The following RYR2 variants were observed in gnomAD, a reference collection of about 807,000 sequenced individuals.
RYR2 encodes cardiac muscle ryanodine receptor-calcium release channel.
A neutral mutation model predicts 601.1 loss-of-function variants in RYR2; 227 were observed. The ratio of observed to expected loss-of-function variants is 0.38; its 90% CI spans 0.34 to 0.42. The LOEUF (loss-of-function observed/expected upper bound fraction) is 0.42. RYR2 is among the 10% of genes least tolerant of loss of function. RYR2 has a pLI of 1.00. For missense variants in RYR2, 4,646 were observed against 6,156.5 expected, an observed-to-expected ratio of 0.75 and a Z score of 8.21; for synonymous variants, 2,223 against 2,175.1, an observed-to-expected ratio of 1.02 and a Z score of -0.61.
chr1:237,639,177 C>G lies in RYR2; in HGVS notation c.7091C>G (p.Pro2364Arg), dbSNP rs771170452. Reference sequence around the variant, plus strand: ...GATCCTTCCCGAGATGGTCCCTCACCAAATAGCGGATCCAGTAAAACACTG... The same window carrying G: ...GATCCTTCCCGAGATGGTCCCTCACGAAATAGCGGATCCAGTAAAACACTG... ...AEDPSRDGPS[P>R]NSGSSKTLDT... is the part of the protein sequence containing the mutation. The change falls in exon 46 of 105, where the codon CCA becomes CGA. Residue 2364 changes from proline (P) to arginine (R), a missense_variant. By Grantham distance (103) the Pro-to-Arg change is moderately radical. Around this residue, in one of 17 missense-constraint regions of RYR2, gnomAD observed 1,497 missense variants for 1,842.6 expected, o/e 0.81. Coordinates refer to ENST00000366574, the MANE Select transcript of RYR2 (RefSeq NM_001035.3). 6.2e-7 allele frequency: 1 copy of G among 1,613,426 alleles called. No homozygotes were observed. Among genetic ancestry groups the G allele is most frequent in the African/African-American group, 1.3e-5 (1 of 75,020 alleles).
chr1:237,436,309 C>T (rs12754712), intron 12 of RYR2, among the ~76,000 whole-genome samples: 1 of 151,700 alleles, frequency 6.6e-6, no homozygotes, highest in East Asian at 1.9e-4. Flanking sequence ...TATTTAGGCA[C>T]TGTGACCTTA....
At chr1:237,419,810 A>C (rs1022065804) in intron 11 of RYR2, among the ~76,000 whole-genome samples, 2 of 152,174 alleles carry the variant, frequency 1.3e-5, no homozygotes, top group African/African-American at 2.4e-5. Flanking sequence ...TAGATATGTA[A>C]ATTAAGCTAC....
chr1:237,061,708 T>G (rs10458439), intron 1 of RYR2, among the ~76,000 whole-genome samples: 1 of 152,220 alleles, frequency 6.6e-6, no homozygotes, highest in Non-Finnish European at 1.5e-5. Flanking sequence ...ACTCTTGCTT[T>G]TCCCCCCTCT....
In RYR2 at chr1:237,164,037, G is replaced by A. The variant is rs924816553; in HGVS notation, c.49-106460G>A. ...GCAGTGGCTTACACCTGTAATCCCA[G>A]CACTTTGGGAGGCTGAGGCAGGTGG... On this transcript the variant is annotated intron_variant, in intron 1 of 104. Coordinates refer to ENST00000366574, the MANE Select transcript of RYR2 (RefSeq NM_001035.3). Among the ~76,000 whole-genome samples the A allele has an allele frequency of 6.9e-4, 105 of 152,224 alleles. 1 individual carries two copies. The highest frequency in any genetic ancestry group is 1.2e-4 in the Non-Finnish European group (8 of 68,048).
intron 1 of RYR2, among the ~76,000 whole-genome samples, chr1:237,181,158 A>G (rs1678712297): frequency 6.6e-6 from 1 of 151,804 alleles, no homozygotes; most frequent in African/African-American, 2.4e-5. Context: ...TAATTTTTGT[A>G]TTTTTAGTAC....
intron 60 of RYR2, among the ~76,000 whole-genome samples, chr1:237,675,315 A>T (rs1028752393): frequency 2.0e-5 from 3 of 152,194 alleles, no homozygotes; most frequent in Admixed American, 1.3e-4. Flanking sequence ...CTCTTAGGGT[A>T]CAATGAAAGA....
chr1:237,425,260 C>A (rs1706032421), intron 12 of RYR2, among the ~76,000 whole-genome samples: 1 of 152,028 alleles, frequency 6.6e-6, no homozygotes, highest in African/African-American at 2.4e-5. Context: ...AATCATTTTT[C>A]TTTTGCTGTG....
intron 71 of RYR2, among the ~76,000 whole-genome samples, chr1:237,713,061 TG>T (rs1404464982): frequency 6.6e-6 from 1 of 152,154 alleles, no homozygotes; most frequent in African/African-American, 2.4e-5. Context: ...TGGTATTGCT[TG>T]GTAGGCCTAG....
At chr1:237,340,331 A>G (rs531024053) in intron 3 of RYR2, among the ~76,000 whole-genome samples, 6 of 152,196 alleles carry the variant, frequency 3.9e-5, no homozygotes, top group Non-Finnish European at 7.4e-5. Flanking sequence ...TTCTGGAGCT[A>G]GGGGGACAGG....
intron 73 of RYR2, among the ~76,000 whole-genome samples, chr1:237,720,272 A>G (rs967672519): frequency 6.6e-6 from 1 of 152,222 alleles, no homozygotes; most frequent in Non-Finnish European, 1.5e-5. Context: ...TAGCAACAAC[A>G]ATATAATATA....
At chr1:237,599,466 A>T (rs1309672416) in intron 34 of RYR2, among the ~76,000 whole-genome samples, 1 of 150,756 alleles carries the variant, frequency 6.6e-6, no homozygotes, top group East Asian at 2.0e-4. Context: ...ATTTCTTTGC[A>T]CTAGTAGTGA....
intron 100 of RYR2, among the ~76,000 whole-genome samples, chr1:237,818,482 C>G (rs998660375): frequency 1.3e-5 from 2 of 152,028 alleles, no homozygotes; most frequent in Non-Finnish European, 2.9e-5. Flanking sequence ...AGGGTTTAAA[C>G]AATAAGATGC....
At chr1:237,152,582 A>C (rs950655633) in intron 1 of RYR2, among the ~76,000 whole-genome samples, 1 of 152,052 alleles carries the variant, frequency 6.6e-6, no homozygotes, top group Non-Finnish European at 1.5e-5. Context: ...TGTGGTTTTG[A>C]TTTGCATTTC....
At chr1:237,593,264 T>A (rs1675435339) in intron 32 of RYR2, among the ~76,000 whole-genome samples, 1 of 152,186 alleles carries the variant, frequency 6.6e-6, no homozygotes, top group Non-Finnish European at 1.5e-5. Context: ...TCCTGTTATT[T>A]CTTATTTAAT....
intron 10 of RYR2, among the ~76,000 whole-genome samples, chr1:237,397,343 G>A (rs1055207059): frequency 1.3e-5 from 2 of 152,092 alleles, no homozygotes; most frequent in Admixed American, 1.3e-4. Context: ...ATGAGTGACT[G>A]AAGCCCAGGG....
At chr1:237,384,130 G>T (rs1183278572) in intron 8 of RYR2, among the ~76,000 whole-genome samples, 1 of 152,158 alleles carries the variant, frequency 6.6e-6, no homozygotes, top group African/African-American at 2.4e-5. Context: ...CAGAAGAGTA[G>T]ACCTTATTTA....
At chr1:237,743,421 GTA>G (rs1429662392) in intron 80 of RYR2, among the ~76,000 whole-genome samples, 2 of 152,152 alleles carry the variant, frequency 1.3e-5, no homozygotes, top group Middle Eastern at 3.2e-3. Flanking sequence ...CTTTTCTAAT[GTA>G]TATGTTTTCT....
At chr1:237,549,738 T>C (rs1670195082) in intron 26 of RYR2, among the ~76,000 whole-genome samples, 1 of 151,534 alleles carries the variant, frequency 6.6e-6, no homozygotes, top group African/African-American at 2.4e-5. Flanking sequence ...ATTATGCTTC[T>C]TGAAATGTGG....
intron 8 of RYR2, among the ~76,000 whole-genome samples, chr1:237,381,783 G>T (rs999919039): frequency 6.6e-6 from 1 of 152,098 alleles, no homozygotes; most frequent in Admixed American, 6.5e-5. Flanking sequence ...GAGGTATAAA[G>T]GGTCTTAAGC....
Sources: gnomAD v4.1 joint callset for allele counts (sites outside exome capture counted in the v4.1 genomes callset) on GRCh38, gnomAD v4.1.1 for gene constraint, gnomAD v4.1.1 regional missense constraint, MANE v1.5 for transcripts, NCBI Gene and HGNC (gene_info 2026-07-23, HGNC 2026-07-21) for gene names.